Variants in SERGEF observed in about 807,000 individuals in gnomAD.
SERGEF encodes the protein secretion regulating guanine nucleotide exchange factor.
A neutral mutation model predicts 50.0 loss-of-function variants in SERGEF; 51 were observed. The ratio of observed to expected loss-of-function variants is 1.02; its 90% CI spans 0.81 to 1.29. The LOEUF (loss-of-function observed/expected upper bound fraction) is 1.29. Among genes scored for constraint, SERGEF ranks in the 50% most tolerant of loss-of-function variants. SERGEF has a pLI of 0.00. For synonymous variants in SERGEF, 205 were observed against 212.4 expected (o/e 0.97, Z 0.30); for missense variants, 521 against 557.0 (o/e 0.94, Z 0.65).
chr11:17,913,237 C>T (rs1216129962), intron 9 of SERGEF, among the ~76,000 whole-genome samples: 1 of 152,216 alleles, frequency 6.6e-6, no homozygotes, highest in East Asian at 1.9e-4. Flanking sequence ...CACCATCCTG[C>T]CTCCACTAGC....
chr11:17,845,954 A>G (rs72873810), intron 10 of SERGEF, among the ~76,000 whole-genome samples: 8,774 of 152,206 alleles, frequency 0.058, 341 homozygotes, highest in Middle Eastern at 0.11. Flanking sequence ...ATTTTTTTAA[A>G]TGCTTGTTGA....
chr11:17,921,441 T>C (rs1283064021), intron 9 of SERGEF, among the ~76,000 whole-genome samples: 1 of 152,176 alleles, frequency 6.6e-6, no homozygotes, highest in Non-Finnish European at 1.5e-5. Context: ...TAAGACATAA[T>C]AGGTCCTCAG....
chr11:17,881,259 G>T (rs1418252666), intron 9 of SERGEF, among the ~76,000 whole-genome samples: 1 of 152,156 alleles, frequency 6.6e-6, no homozygotes, highest in East Asian at 1.9e-4. Context: ...TTCACCCTGG[G>T]GCTGTGACTG....
chr11:17,952,529 C>A (rs1374348828), intron 9 of SERGEF, among the ~76,000 whole-genome samples: 1 of 152,172 alleles, frequency 6.6e-6, no homozygotes, highest in Non-Finnish European at 1.5e-5. Flanking sequence ...TTTCCTCTTG[C>A]AACTTTACTC....
At chr11:17,877,593 T>G (rs1466598598) in intron 10 of SERGEF, among the ~76,000 whole-genome samples, 2 of 152,172 alleles carry the variant, frequency 1.3e-5, no homozygotes, top group Admixed American at 1.3e-4. Flanking sequence ...TACACTGCAG[T>G]CTCTTTAATG....
Position 17,919,838 on chromosome 11 carries a change from C to T in SERGEF, c.1011+39632G>A, listed in dbSNP as rs183876297. Among the ~76,000 whole-genome samples, 84 of 151,470 alleles carry T rather than the reference C, an allele frequency of 5.5e-4. 1 individual carries two copies. In the East Asian group the frequency reaches 0.016, roughly 28 times the overall value. On this transcript the variant is annotated intron_variant, in intron 9 of 10. Transcript: ENST00000265965. ...GTGAGGCCTATTAAAAACTGCAACG[C>T]GGGAGGCTGAGGCAGGAGAATCGCT...
chr11:17,833,543 C>T (rs915035861), intron 10 of SERGEF, among the ~76,000 whole-genome samples: 1 of 152,180 alleles, frequency 6.6e-6, no homozygotes, highest in Non-Finnish European at 1.5e-5. Flanking sequence ...TCCTCCAGAA[C>T]CCAGAATGGT....
intron 8 of SERGEF, among the ~76,000 whole-genome samples, chr11:17,988,211 T>C (rs1446801430): frequency 6.6e-6 from 1 of 152,240 alleles, no homozygotes; most frequent in Non-Finnish European, 1.5e-5. Flanking sequence ...CCTCAATCTT[T>C]AGATATTTAT....
intron 9 of SERGEF, among the ~76,000 whole-genome samples, chr11:17,958,485 C>G (rs1403810656): frequency 6.6e-6 from 1 of 152,062 alleles, no homozygotes; most frequent in Non-Finnish European, 1.5e-5. Context: ...ATTAAGATTC[C>G]TGCCTTAAAT....
chr11:18,008,046 C>T lies in SERGEF; in HGVS notation c.91G>A (p.Gly31Ser), dbSNP rs766885790. 121 of 1,613,850 alleles carry T rather than the reference C, an allele frequency of 7.5e-5. No individual in the cohort carries two copies. The highest frequency in any genetic ancestry group is 4.9e-4 in the Middle Eastern group (3 of 6,082). Reference sequence around the variant, plus strand: ...GGCAACAGCACATCTTCCTTATGGCCGAGGCCAAGTTGCCCATAGCTATTT... The same window carrying T: ...GGCAACAGCACATCTTCCTTATGGCTGAGGCCAAGTTGCCCATAGCTATTT... ...GANSYGQLGL[G>S]HKEDVLLPQQ... The change falls in exon 2 of 11, where the codon GGC becomes AGC. Residue 31 changes from glycine to serine, a missense_variant. Physicochemically the swap from Gly to Ser is moderately conservative, Grantham distance 56. Coordinates refer to ENST00000265965, the MANE Select transcript of SERGEF (RefSeq NM_012139.4).
chr11:17,997,713 G>A (rs1342911204), intron 5 of SERGEF, among the ~76,000 whole-genome samples: 1 of 152,114 alleles, frequency 6.6e-6, no homozygotes, highest in Non-Finnish European at 1.5e-5. Context: ...TCTAAACGCC[G>A]ATATATCCTA....
At chr11:17,836,579 C>A (rs1850402432) in intron 10 of SERGEF, among the ~76,000 whole-genome samples, 1 of 152,194 alleles carries the variant, frequency 6.6e-6, no homozygotes, top group South Asian at 2.1e-4. Flanking sequence ...ACATGCCACA[C>A]AAAGACCTTC....
Position 17,959,617 on chromosome 11 carries a change from GGTA to G in SERGEF, c.861_863del (p.Thr288del). The stretch of plus-strand genomic sequence containing the variant: ...GCTGACCATAGTCTGCTCGGCCCCA[GGTA>G]AACATCTTGCCAGTTTCTAAAAACA... On this transcript the variant is annotated inframe_deletion, in exon 9 of 11. Coordinates refer to ENST00000265965, the MANE Select transcript of SERGEF (RefSeq NM_012139.4). 1 of 1,611,910 alleles carries G rather than the reference GGTA, an allele frequency of 6.2e-7. No individual in the cohort carries two copies. The highest frequency in any genetic ancestry group is 8.5e-7 in the Non-Finnish European group (1 of 1,179,292).
At chr11:17,897,558 A>G (rs1851671519) in intron 9 of SERGEF, among the ~76,000 whole-genome samples, 1 of 152,248 alleles carries the variant, frequency 6.6e-6, no homozygotes, top group Non-Finnish European at 1.5e-5. Context: ...TACAAAAGCA[A>G]CAGTCTACTG....
chr11:17,945,069 T>C lies in SERGEF; in HGVS notation c.1011+14401A>G, dbSNP rs568814540. ...TAATTCTACTGCTCCAAAAATGGCCTTAAATAAGCCACTTACTCATATTTG... is the reference window on the plus strand; with the variant it reads ...TAATTCTACTGCTCCAAAAATGGCCCTAAATAAGCCACTTACTCATATTTG... On this transcript the variant is annotated intron_variant, in intron 9 of 10. Transcript: ENST00000265965. 2.0e-5 allele frequency among the ~76,000 whole-genome samples: 3 copies of C among 152,366 alleles called. No homozygotes were observed. In the East Asian group the frequency reaches 5.8e-4, roughly 29 times the overall value.
chr11:17,815,197 A>C (rs989852929), intron 10 of SERGEF, among the ~76,000 whole-genome samples: 1 of 152,032 alleles, frequency 6.6e-6, no homozygotes, highest in Non-Finnish European at 1.5e-5. Context: ...TAAGAAAACA[A>C]AAAACAAAAA....
At chr11:17,805,795 T>A (rs1445060077) in intron 10 of SERGEF, among the ~76,000 whole-genome samples, 1 of 152,234 alleles carries the variant, frequency 6.6e-6, no homozygotes, top group Admixed American at 6.5e-5. Flanking sequence ...TCCCTATTAC[T>A]GAGACTCAGT....
intron 9 of SERGEF, among the ~76,000 whole-genome samples, chr11:17,936,528 T>C (rs1350437159): frequency 6.6e-6 from 1 of 152,244 alleles, no homozygotes; most frequent in Non-Finnish European, 1.5e-5. Context: ...ATTATTCTCA[T>C]CTGACAAGTA....
intron 9 of SERGEF, among the ~76,000 whole-genome samples, chr11:17,903,511 T>C (rs746305513): frequency 3.9e-5 from 6 of 152,176 alleles, no homozygotes; most frequent in Non-Finnish European, 8.8e-5. Flanking sequence ...CCTAGATAGA[T>C]TGTAGAATGT....
Sources: allele counts gnomAD v4.1 joint callset (sites outside exome capture counted in the v4.1 genomes callset), GRCh38; gene constraint gnomAD v4.1.1; transcripts MANE v1.5; gene names NCBI Gene and HGNC (gene_info 2026-07-23, HGNC 2026-07-21).